PRKG1: variants seen among roughly 807,000 people sequenced by gnomAD.
The protein encoded by PRKG1 is cGMP-dependent protein kinase 1.
Under a neutral mutation model 88.1 loss-of-function variants are expected in PRKG1, and 35 were observed. The ratio of observed to expected loss-of-function variants is 0.40; its 90% CI spans 0.30 to 0.53. The LOEUF is 0.53. PRKG1 is among the 20% of genes least tolerant of loss of function. The probability of loss-of-function intolerance (pLI) is 0.59; values close to 1 mark genes in which losing one functional copy is unlikely to be tolerated. For missense variants in PRKG1, 540 were observed against 839.8 expected (o/e 0.64, Z 4.41); for synonymous variants, 303 against 292.5 (o/e 1.04, Z -0.37).
At chr10:51,176,835 C>A (rs1837207053) in intron 2 of PRKG1, among the ~76,000 whole-genome samples, 1 of 152,230 alleles carries the variant, frequency 6.6e-6, no homozygotes, top group East Asian at 1.9e-4. Context: ...AAATGCACTA[C>A]ATACTATCAA....
At chr10:51,087,611 C>T (rs563338639) in intron 1 of PRKG1, among the ~76,000 whole-genome samples, 1 of 152,218 alleles carries the variant, frequency 6.6e-6, no homozygotes, top group Middle Eastern at 3.4e-3. Flanking sequence ...AGTTTTGTTT[C>T]TTTTATATAG....
intron 5 of PRKG1, among the ~76,000 whole-genome samples, chr10:52,008,253 C>A (rs183323816): frequency 6.6e-5 from 10 of 152,132 alleles, no homozygotes; most frequent in African/African-American, 1.4e-4. Context: ...TCAAAGCTAG[C>A]AGAAGACAAG....
intron 2 of PRKG1, among the ~76,000 whole-genome samples, chr10:51,183,123 G>A (rs1292150003): frequency 6.6e-6 from 1 of 152,060 alleles, no homozygotes; most frequent in Admixed American, 6.6e-5. Flanking sequence ...GGGCTTTTTG[G>A]TAGAAATATT....
At chr10:51,533,998 C>T (rs1450308208) in intron 3 of PRKG1, among the ~76,000 whole-genome samples, 1 of 152,266 alleles carries the variant, frequency 6.6e-6, no homozygotes, top group East Asian at 1.9e-4. Context: ...AAGCATGATT[C>T]AAACTCGGAT....
At chr10:51,903,079 A>T (rs1242583102) in intron 4 of PRKG1, among the ~76,000 whole-genome samples, 2 of 152,122 alleles carry the variant, frequency 1.3e-5, no homozygotes, top group African/African-American at 4.8e-5. Context: ...TTCATGTAAT[A>T]GGTTAACATA....
intron 5 of PRKG1, among the ~76,000 whole-genome samples, chr10:52,024,317 C>CTTT (rs71032615): frequency 7.3e-5 from 11 of 150,874 alleles, no homozygotes; most frequent in Admixed American, 4.0e-4. Flanking sequence ...ATTTATTTAA[C>CTTT]TTTTTTTTTT....
At chr10:51,960,703 G>T (rs1843426844) in intron 5 of PRKG1, among the ~76,000 whole-genome samples, 1 of 152,142 alleles carries the variant, frequency 6.6e-6, no homozygotes, top group Non-Finnish European at 1.5e-5. Context: ...AAAGCAGATT[G>T]TCTGTGATCC....
Position 52,120,059 on chromosome 10 carries a change from G to A in PRKG1, c.936-13781G>A, listed in dbSNP as rs138070713. ...AGAGAGAGGGAGACAGAGACAGAGAGAGAGAGAAAGAGGGAGAGAGACAAA... is the reference window on the plus strand; with the variant it reads ...AGAGAGAGGGAGACAGAGACAGAGAAAGAGAGAAAGAGGGAGAGAGACAAA... On this transcript the variant is annotated intron_variant, in intron 7 of 17. Transcript: ENST00000373980. 8.5e-3 allele frequency among the ~76,000 whole-genome samples: 1,296 copies of A among 152,086 alleles called. 13 individuals carry two copies. Among genetic ancestry groups the A allele is most frequent in the African/African-American group, 0.026 (1,083 of 41,472 alleles).
At chr10:52,027,037 G>A (rs1845358824) in intron 5 of PRKG1, among the ~76,000 whole-genome samples, 1 of 152,134 alleles carries the variant, frequency 6.6e-6, no homozygotes, top group Non-Finnish European at 1.5e-5. Context: ...TTAAAAAATT[G>A]TTTTGTGACT....
At chr10:51,165,699 A>G (rs1354777882) in intron 2 of PRKG1, among the ~76,000 whole-genome samples, 1 of 152,214 alleles carries the variant, frequency 6.6e-6, no homozygotes. Flanking sequence ...GGATGGAGGA[A>G]GATCTACCAA....
chr10:51,075,548 ACATATGAGGGAGAAGATTG>A (rs1407831069), intron 1 of PRKG1, among the ~76,000 whole-genome samples: 1 of 152,238 alleles, frequency 6.6e-6, no homozygotes, highest in Non-Finnish European at 1.5e-5. Context: ...TTTTTTCATA[ACATATGAGGGAGAAGATTG>A]CTTATTTTAC....
intron 5 of PRKG1, among the ~76,000 whole-genome samples, chr10:51,992,396 T>C (rs1278330110): frequency 6.6e-6 from 1 of 152,176 alleles, no homozygotes; most frequent in Non-Finnish European, 1.5e-5. Context: ...AAAAAATCTT[T>C]AATGTATTGT....
At chr10:51,858,823 A>G (rs954539197) in intron 4 of PRKG1, among the ~76,000 whole-genome samples, 1 of 152,040 alleles carries the variant, frequency 6.6e-6, no homozygotes, top group Non-Finnish European at 1.5e-5. Flanking sequence ...GGCTTTTCCC[A>G]TTATGCCTTA....
At chr10:51,784,474 C>T (rs1838678610) in intron 3 of PRKG1, among the ~76,000 whole-genome samples, 1 of 152,114 alleles carries the variant, frequency 6.6e-6, no homozygotes, top group African/African-American at 2.4e-5. Flanking sequence ...ACAACAACTT[C>T]TACCTGCCAG....
At chr10:52,102,275 GC>G (rs1367457230) in intron 7 of PRKG1, among the ~76,000 whole-genome samples, 22 of 152,030 alleles carry the variant, frequency 1.4e-4, no homozygotes, top group African/African-American at 5.3e-4. Context: ...TGGTTTCCTT[GC>G]CCCAAACACA....
intron 5 of PRKG1, among the ~76,000 whole-genome samples, chr10:51,954,769 C>T (rs192180510): frequency 6.6e-6 from 1 of 152,262 alleles, no homozygotes; most frequent in Admixed American, 6.5e-5. Context: ...ATAGTATTCA[C>T]TCTGCTAAGC....
At chr10:51,330,159 T>A (rs1841702051) in intron 2 of PRKG1, among the ~76,000 whole-genome samples, 1 of 139,858 alleles carries the variant, frequency 7.2e-6, no homozygotes, top group Non-Finnish European at 1.6e-5. Flanking sequence ...TTTATTTATT[T>A]TTTTTTTTTG....
intron 3 of PRKG1, among the ~76,000 whole-genome samples, chr10:51,549,421 C>G (rs1842527680): frequency 6.6e-6 from 1 of 151,972 alleles, no homozygotes; most frequent in Non-Finnish European, 1.5e-5. Flanking sequence ...CCTGCCTAAA[C>G]TAATATAGAA....
At chr10:51,944,372 T>C (rs1356895983) in intron 5 of PRKG1, among the ~76,000 whole-genome samples, 1 of 152,086 alleles carries the variant, frequency 6.6e-6, no homozygotes, top group Admixed American at 6.5e-5. Context: ...TTGTTAGCAG[T>C]CTATCAATTT....
Sources: gnomAD v4.1 joint callset for allele counts (sites outside exome capture counted in the v4.1 genomes callset) on GRCh38, gnomAD v4.1.1 for gene constraint, MANE v1.5 for transcripts, NCBI Gene and HGNC (gene_info 2026-07-23, HGNC 2026-07-21) for gene names.